SUGCT: variants seen among roughly 807,000 people sequenced by gnomAD.
SUGCT encodes succinyl-CoA:glutarate CoA-transferase.
SUGCT carries 41 observed loss-of-function variants against 55.0 expected under a neutral mutation model. The observed-to-expected ratio is 0.74, with a 90% confidence interval of 0.58 to 0.97. The LOEUF (loss-of-function observed/expected upper bound fraction) is 0.97, where lower values mean the gene tolerates loss of function less well. Among genes scored for constraint, SUGCT ranks in the 50% least tolerant of loss-of-function variants. The pLI, the probability that SUGCT is intolerant of heterozygous loss-of-function variation, is 0.00. For missense variants in SUGCT, 568 were observed against 547.8 expected, an observed-to-expected ratio of 1.04 and a Z score of -0.37; for synonymous variants, 187 against 200.4, an observed-to-expected ratio of 0.93 and a Z score of 0.56.
At chr7:40,892,222 A>G in the SUGCT span, among the ~76,000 whole-genome samples, 1 of 152,150 alleles carries the variant, frequency 6.6e-6, no homozygotes, top group African/African-American at 2.4e-5. Context: ...GTGTGGAGGG[A>G]GGAGAAGTTA....
At chr7:40,406,172 G>A (rs972750779) in intron 9 of SUGCT, among the ~76,000 whole-genome samples, 1 of 152,136 alleles carries the variant, frequency 6.6e-6, no homozygotes, top group African/African-American at 2.4e-5. Context: ...TGCTGAGTCA[G>A]TTCTTACAGA....
intron 6 of SUGCT, among the ~76,000 whole-genome samples, chr7:40,205,946 C>A (rs1562576152): frequency 6.6e-6 from 1 of 152,138 alleles, no homozygotes; most frequent in Non-Finnish European, 1.5e-5. Flanking sequence ...CACTAAGAAT[C>A]AGTTGATTTC....
the SUGCT span, among the ~76,000 whole-genome samples, chr7:40,925,285 A>G: frequency 6.6e-6 from 1 of 152,218 alleles, no homozygotes; most frequent in Admixed American, 6.5e-5. Flanking sequence ...TTATGGGATG[A>G]ACCCACATGA....
chr7:40,786,559 T>C (rs1790023415), intron 13 of SUGCT, among the ~76,000 whole-genome samples: 1 of 152,194 alleles, frequency 6.6e-6, no homozygotes, highest in African/African-American at 2.4e-5. Context: ...TCTTGCTAAT[T>C]ATATTGTTGC....
intron 12 of SUGCT, among the ~76,000 whole-genome samples, chr7:40,519,989 A>G (rs1793441702): frequency 6.6e-6 from 1 of 152,114 alleles, no homozygotes; most frequent in African/African-American, 2.4e-5. Flanking sequence ...TGGTTCTGTT[A>G]TATCATATTA....
the SUGCT span, among the ~76,000 whole-genome samples, chr7:40,994,975 G>A: frequency 2.6e-5 from 4 of 152,140 alleles, no homozygotes; most frequent in Non-Finnish European, 4.4e-5. Context: ...TACAGCCTGC[G>A]GAACTGTGAG....
At chr7:40,833,014 C>T (rs150156625) in intron 13 of SUGCT, among the ~76,000 whole-genome samples, 72 of 152,086 alleles carry the variant, frequency 4.7e-4, no homozygotes, top group African/African-American at 1.7e-3. Context: ...GCCATCCCCT[C>T]GGTCCATAGA....
At chr7:40,395,123 C>T (rs1200255770) in intron 9 of SUGCT, among the ~76,000 whole-genome samples, 1 of 152,150 alleles carries the variant, frequency 6.6e-6, no homozygotes, top group South Asian at 2.1e-4. Context: ...GTGCAGTTTG[C>T]TCTGGATCCT....
At chr7:40,658,659 T>G (rs981948181) in intron 12 of SUGCT, among the ~76,000 whole-genome samples, 3 of 152,116 alleles carry the variant, frequency 2.0e-5, no homozygotes, top group African/African-American at 4.8e-5. Flanking sequence ...GGTGAATGTG[T>G]TTTGAGTGAT....
chr7:40,183,898 G>T (rs902476330), intron 3 of SUGCT, among the ~76,000 whole-genome samples: 1 of 152,148 alleles, frequency 6.6e-6, no homozygotes, highest in South Asian at 2.1e-4. Flanking sequence ...TGTTGGCCGG[G>T]CATGGTGGTT....
intron 12 of SUGCT, among the ~76,000 whole-genome samples, chr7:40,696,662 A>G (rs1784946996): frequency 6.6e-6 from 1 of 151,982 alleles, no homozygotes; most frequent in Non-Finnish European, 1.5e-5. Context: ...GTAGATTTTA[A>G]CTCTGTGTCT....
intron 12 of SUGCT, among the ~76,000 whole-genome samples, chr7:40,519,711 ATATAT>A (rs1165816034): frequency 6.6e-6 from 1 of 152,054 alleles, no homozygotes; most frequent in Admixed American, 6.6e-5. Context: ...CAAGCTGTTG[ATATAT>A]TTTATTAGCT....
At chr7:40,886,094 G>A in the SUGCT span, among the ~76,000 whole-genome samples, 1 of 152,136 alleles carries the variant, frequency 6.6e-6, no homozygotes, top group Non-Finnish European at 1.5e-5. Context: ...TGAGCCTCAA[G>A]GAATATGGAG....
At chr7:40,203,297 G>A (rs1359388555) in intron 6 of SUGCT, among the ~76,000 whole-genome samples, 1 of 152,218 alleles carries the variant, frequency 6.6e-6, no homozygotes, top group African/African-American at 2.4e-5. Flanking sequence ...CTGTGCTAGT[G>A]TTCTGGCACT....
At chr7:40,896,037 T>C in the SUGCT span, among the ~76,000 whole-genome samples, 1 of 152,112 alleles carries the variant, frequency 6.6e-6, no homozygotes, top group African/African-American at 2.4e-5. Context: ...GGGATCCAAA[T>C]TTGGAAGAAA....
chr7:40,156,441 C>T (rs748611085), intron 1 of SUGCT, among the ~76,000 whole-genome samples: 18 of 151,856 alleles, frequency 1.2e-4, no homozygotes, highest in South Asian at 2.1e-4. Flanking sequence ...CCAGCCTGGG[C>T]GACAGAGTGA....
chr7:40,961,759 G>A, the SUGCT span, among the ~76,000 whole-genome samples: 24 of 152,104 alleles, frequency 1.6e-4, no homozygotes, highest in East Asian at 2.7e-3. Flanking sequence ...TCGTGGTCTC[G>A]CTGACTTCAG....
intron 13 of SUGCT, among the ~76,000 whole-genome samples, chr7:40,829,335 C>T (rs781593817): frequency 8.5e-5 from 13 of 152,202 alleles, no homozygotes; most frequent in Non-Finnish European, 1.8e-4. Context: ...GGAGCAGCCA[C>T]TTTGCCATAC....
At position 40,309,414 on chromosome 7, in the gene SUGCT, C is replaced by G. The variant is rs184117675; in HGVS notation, c.721-7346C>G. Among the ~76,000 whole-genome samples, 1,184 of 152,228 alleles carry G rather than the reference C, an allele frequency of 7.8e-3. 4 individuals carry two copies. The highest frequency in any genetic ancestry group is 0.011 in the Non-Finnish European group (776 of 68,000). ...GCCTCAAGCGATTCTCCTGCCTCAG[C>G]CTTCCGTGTAGCTGGGATTATAGGC... On this transcript the variant is annotated intron_variant, in intron 8 of 13. Coordinates refer to ENST00000335693, the MANE Select transcript of SUGCT (RefSeq NM_001193313.2).
Sources: allele counts gnomAD v4.1 joint callset (sites outside exome capture counted in the v4.1 genomes callset), GRCh38; gene constraint gnomAD v4.1.1; transcripts MANE v1.5; gene names NCBI Gene and HGNC (gene_info 2026-07-23, HGNC 2026-07-21).